Variants in ADAM12 observed in about 807,000 individuals in gnomAD.
ADAM12 encodes ADAM metallopeptidase domain 12.
In ADAM12, 70 loss-of-function variants were observed where a neutral mutation model predicts 106.4. The observed-to-expected ratio is 0.66, with a 90% CI of 0.54 to 0.80. The LOEUF is 0.80. Among genes scored for constraint, ADAM12 ranks in the 30% least tolerant of loss-of-function variants. The probability of loss-of-function intolerance (pLI) is 0.00; values close to 1 mark genes in which losing one functional copy is unlikely to be tolerated. For missense variants in ADAM12, 1,010 were observed against 1,171.9 expected (o/e 0.86, Z 2.02); for synonymous variants, 420 against 433.5 (o/e 0.97, Z 0.39).
intron 3 of ADAM12, among the ~76,000 whole-genome samples, chr10:126,219,961 A>G (rs1036240482): frequency 6.6e-6 from 1 of 152,202 alleles, no homozygotes; most frequent in Admixed American, 6.5e-5. Context: ...GATGGAACCA[A>G]TGGGGAGACA....
At position 126,155,228 on chromosome 10, in the gene ADAM12, G is replaced by A. The variant is rs576203316; in HGVS notation, c.338C>T (p.Thr113Met). ...GTGATCCCAACGTGCCAGAATTACC[G>A]TGTAATTTCGAGCGAGGGAGACATC... ...GTDVSLARNY[T>M]GHCYYHGHVR... The change falls in exon 4 of 23, where the codon ACG (threonine) becomes ATG (methionine). Residue 113 changes from threonine (T) to methionine (M), a missense_variant and splice_region_variant. Physicochemically the swap from Thr to Met is moderately conservative, Grantham distance 81. Coordinates refer to ENST00000448723, the MANE Select transcript of ADAM12 (RefSeq NM_001288973.2). 9.3e-6 allele frequency: 15 copies of A among 1,613,794 alleles called. No individual in the cohort carries two copies. Among genetic ancestry groups the A allele is most frequent in the African/African-American group, 4.0e-5 (3 of 75,016 alleles).
chr10:126,283,788 T>A (rs1009066787), intron 2 of ADAM12, among the ~76,000 whole-genome samples: 16 of 152,224 alleles, frequency 1.1e-4, no homozygotes, highest in African/African-American at 3.9e-4. Flanking sequence ...TTAAGTGTGT[T>A]CTCATGAACA....
At chr10:126,179,968 T>G (rs1957284276) in intron 3 of ADAM12, among the ~76,000 whole-genome samples, 1 of 152,104 alleles carries the variant, frequency 6.6e-6, no homozygotes, top group African/African-American at 2.4e-5. Flanking sequence ...TTCCCAATTT[T>G]TACAATAAAC....
chr10:126,195,528 C>T (rs759369458), intron 3 of ADAM12, among the ~76,000 whole-genome samples: 6 of 152,120 alleles, frequency 3.9e-5, no homozygotes, highest in East Asian at 3.9e-4. Context: ...TGAGCCAAAT[C>T]GCACCATTGC....
intron 3 of ADAM12, among the ~76,000 whole-genome samples, chr10:126,177,970 C>T (rs1021678720): frequency 1.3e-5 from 2 of 152,210 alleles, no homozygotes; most frequent in African/African-American, 4.8e-5. Context: ...GCTCATTTAA[C>T]TTAGTTTATT....
intron 3 of ADAM12, among the ~76,000 whole-genome samples, chr10:126,159,254 G>A (rs983740265): frequency 7.5e-6 from 1 of 134,182 alleles, no homozygotes; most frequent in African/African-American, 2.8e-5. Context: ...AGCTTGCAGT[G>A]AGCCGAGATC....
intron 21 of ADAM12, among the ~76,000 whole-genome samples, chr10:126,022,550 A>G (rs1953787607): frequency 6.6e-6 from 1 of 152,242 alleles, no homozygotes; most frequent in African/African-American, 2.4e-5. Flanking sequence ...TGTGGAACCC[A>G]TGATGCAAGA....
At chr10:126,247,435 C>A (rs1958652222) in intron 3 of ADAM12, among the ~76,000 whole-genome samples, 1 of 152,200 alleles carries the variant, frequency 6.6e-6, no homozygotes, top group African/African-American at 2.4e-5. Context: ...AAATTTCACT[C>A]ATGTATCACA....
At chr10:126,252,409 A>G (rs1958804434) in intron 3 of ADAM12, among the ~76,000 whole-genome samples, 1 of 152,168 alleles carries the variant, frequency 6.6e-6, no homozygotes, top group African/African-American at 2.4e-5. Context: ...AAACTGGGGA[A>G]GTTGGTGGCA....
At chr10:126,143,490 T>C (rs1450924431) in intron 4 of ADAM12, among the ~76,000 whole-genome samples, 1 of 151,380 alleles carries the variant, frequency 6.6e-6, no homozygotes, top group Non-Finnish European at 1.5e-5. Context: ...GGTGTGCATA[T>C]ATGTATATGT....
At chr10:126,037,394 G>A (rs962360500) in intron 20 of ADAM12, among the ~76,000 whole-genome samples, 21 of 151,848 alleles carry the variant, frequency 1.4e-4, no homozygotes, top group South Asian at 2.1e-4. Context: ...CTTTGGGGAC[G>A]AGCAGGGGTA....
intron 4 of ADAM12, among the ~76,000 whole-genome samples, chr10:126,136,601 C>T (rs1956409958): frequency 6.6e-6 from 1 of 152,164 alleles, no homozygotes. Context: ...TGCACTTTGT[C>T]CAGCGCAGAG....
intron 10 of ADAM12, among the ~76,000 whole-genome samples, chr10:126,095,813 T>A (rs139500051): frequency 0.016 from 2,364 of 152,264 alleles, 30 homozygotes; most frequent in Non-Finnish European, 0.024. Context: ...TCTGTAACTG[T>A]AAGAAATAAA....
chr10:126,178,408 CTTTT>C (rs10549268), intron 3 of ADAM12, among the ~76,000 whole-genome samples: 67 of 103,912 alleles, frequency 6.4e-4, no homozygotes, highest in South Asian at 3.1e-3. Flanking sequence ...TGGAGGACAT[CTTTT>C]TTTTTTTTTT....
intron 1 of ADAM12, among the ~76,000 whole-genome samples, chr10:126,338,920 G>A (rs1161804790): frequency 6.6e-6 from 1 of 151,990 alleles, no homozygotes; most frequent in African/African-American, 2.4e-5. Flanking sequence ...AAACAACAGT[G>A]AAAAACAAGT....
intron 2 of ADAM12, among the ~76,000 whole-genome samples, chr10:126,325,402 G>A (rs556728277): frequency 6.6e-6 from 1 of 152,332 alleles, no homozygotes; most frequent in Non-Finnish European, 1.5e-5. Context: ...TGGCTGTGAA[G>A]GAAAGAATGG....
chr10:126,256,594 C>T (rs1462962624), intron 3 of ADAM12, among the ~76,000 whole-genome samples: 8 of 152,340 alleles, frequency 5.3e-5, no homozygotes, highest in African/African-American at 1.7e-4. Flanking sequence ...GACATCCTCA[C>T]TTCCATCTAC....
intron 1 of ADAM12, among the ~76,000 whole-genome samples, chr10:126,345,998 T>C (rs553127497): frequency 5.9e-5 from 9 of 152,076 alleles, no homozygotes; most frequent in Non-Finnish European, 1.2e-4. Context: ...TTTTTGAAGG[T>C]TTTTTTGTGT....
At chr10:126,133,436 C>T (rs746592065) in intron 5 of ADAM12, among the ~76,000 whole-genome samples, 10 of 152,158 alleles carry the variant, frequency 6.6e-5, no homozygotes, top group African/African-American at 2.4e-4. Flanking sequence ...CTCTCTAATA[C>T]CCGTGGAAAG....
Sources: gnomAD v4.1 joint callset for allele counts (sites outside exome capture counted in the v4.1 genomes callset) on GRCh38, gnomAD v4.1.1 for gene constraint, MANE v1.5 for transcripts, NCBI Gene and HGNC (gene_info 2026-07-23, HGNC 2026-07-21) for gene names.